Variants in SHOC2 observed in about 807,000 individuals in gnomAD.
The protein encoded by SHOC2 is SHOC2 leucine rich repeat scaffold protein.
SHOC2 carries 4 observed loss-of-function variants against 50.2 expected under a neutral mutation model. That is an observed-to-expected ratio of 0.08 (90% CI 0.04 to 0.18). The LOEUF is 0.18. Among genes scored for constraint, SHOC2 ranks in the 10% least tolerant of loss-of-function variants. The probability of loss-of-function intolerance (pLI) is 1.00; values close to 1 mark genes in which losing one functional copy is unlikely to be tolerated. For missense variants in SHOC2, 388 were observed against 669.6 expected (o/e 0.58, Z 4.64); for synonymous variants, 218 against 244.5 (o/e 0.89, Z 1.01).
At chr10:110,932,370 A>G (rs542170284) in intron 1 of SHOC2, among the ~76,000 whole-genome samples, 14 of 152,192 alleles carry the variant, frequency 9.2e-5, no homozygotes, top group Non-Finnish European at 1.2e-4. Flanking sequence ...AGATCACTCT[A>G]ATTACAACAT....
chr10:110,960,624 G>A (rs1347099380), intron 1 of SHOC2, among the ~76,000 whole-genome samples: 1 of 152,106 alleles, frequency 6.6e-6, no homozygotes, highest in Non-Finnish European at 1.5e-5. Flanking sequence ...TTGGAATATA[G>A]TTATGTTCCA....
chr10:111,008,266 G>C (rs1042293368), intron 6 of SHOC2, among the ~76,000 whole-genome samples: 1 of 149,176 alleles, frequency 6.7e-6, no homozygotes, highest in Non-Finnish European at 1.5e-5. Context: ...AGTTCCTAGA[G>C]TTTTCATCCC....
chr10:110,980,997 T>C (rs1300196642), intron 2 of SHOC2, among the ~76,000 whole-genome samples: 1 of 152,216 alleles, frequency 6.6e-6, no homozygotes, highest in Non-Finnish European at 1.5e-5. Context: ...TTCATGTAGA[T>C]GGAAACTTGT....
At chr10:110,958,570 C>T (rs1167400770) in intron 1 of SHOC2, among the ~76,000 whole-genome samples, 4 of 152,056 alleles carry the variant, frequency 2.6e-5, no homozygotes, top group Non-Finnish European at 4.4e-5. Flanking sequence ...CTTCTACATG[C>T]GTTTTGTGGA....
intron 1 of SHOC2, among the ~76,000 whole-genome samples, chr10:110,962,702 C>A (rs901191026): frequency 1.3e-5 from 2 of 152,162 alleles, no homozygotes; most frequent in African/African-American, 2.4e-5. Context: ...AAGCTCCACT[C>A]CCTATTCTAG....
intron 2 of SHOC2, among the ~76,000 whole-genome samples, chr10:110,970,240 A>G (rs143609318): frequency 2.0e-5 from 3 of 152,248 alleles, no homozygotes; most frequent in South Asian, 2.1e-4. Flanking sequence ...AGTAACCACT[A>G]TTCTACTCGC....
rs190401921 is a variant in SHOC2, at chr10:111,006,196, G to A, written c.1162-1335G>A. On this transcript the variant is annotated intron_variant, in intron 5 of 8. Transcript: ENST00000369452. ...ATACTTTATAAATCATACTATAAGT[G>A]TCAGTAGTTTAGGCATAGATAGGTA... Among the ~76,000 whole-genome samples the A allele has an allele frequency of 2.4e-3, 371 of 152,338 alleles. 3 individuals carry two copies. Among genetic ancestry groups the A allele is most frequent in the African/African-American group, 8.3e-3 (347 of 41,578 alleles).
At chr10:110,960,562 G>A (rs932134784) in intron 1 of SHOC2, among the ~76,000 whole-genome samples, 1 of 152,092 alleles carries the variant, frequency 6.6e-6, no homozygotes, top group African/African-American at 2.4e-5. Flanking sequence ...CTGTAAATTG[G>A]GACTAGAGGA....
At chr10:110,997,411 C>A (rs1277636245) in intron 3 of SHOC2, among the ~76,000 whole-genome samples, 1 of 152,126 alleles carries the variant, frequency 6.6e-6, no homozygotes, top group East Asian at 1.9e-4. Flanking sequence ...TTTAATTGTT[C>A]TTCCATAATT....
At chr10:110,969,476 CTATT>C (rs1028948914) in intron 2 of SHOC2, among the ~76,000 whole-genome samples, 4 of 152,152 alleles carry the variant, frequency 2.6e-5, no homozygotes, top group Admixed American at 1.3e-4. Context: ...TATAACGAAT[CTATT>C]TATTCAGGCA....
At chr10:110,997,224 T>C (rs1848284121) in intron 3 of SHOC2, among the ~76,000 whole-genome samples, 1 of 152,176 alleles carries the variant, frequency 6.6e-6, no homozygotes, top group Non-Finnish European at 1.5e-5. Context: ...GGTCACATTA[T>C]ATAAAATATC....
chr10:111,008,778 A>G (rs1436922321), intron 6 of SHOC2, among the ~76,000 whole-genome samples: 1 of 152,120 alleles, frequency 6.6e-6, no homozygotes, highest in East Asian at 1.9e-4. Flanking sequence ...TTGTAACTTT[A>G]TCGGAACAAA....
chr10:110,932,109 TG>T (rs1428384504), intron 1 of SHOC2, among the ~76,000 whole-genome samples: 2 of 152,206 alleles, frequency 1.3e-5, no homozygotes, highest in Non-Finnish European at 2.9e-5. Flanking sequence ...ATTGTAAATC[TG>T]TGTTTCTGGC....
At chr10:110,979,728 A>T (rs1039746878) in intron 2 of SHOC2, among the ~76,000 whole-genome samples, 1 of 152,168 alleles carries the variant, frequency 6.6e-6, no homozygotes, top group African/African-American at 2.4e-5. Context: ...TTAGCCACTA[A>T]ATATTTTACG....
rs1198858390 is a variant in SHOC2 at position 111,012,506 on chromosome 10, G to A, written c.*688G>A. 1 of 152,120 alleles carries A rather than the reference G, an allele frequency of 6.6e-6. No individual in the cohort carries two copies. The highest frequency in any genetic ancestry group is 1.9e-4 in the East Asian group (1 of 5,202). The allele number at this position is 152,120 out of a possible 1,614,324, so 9.4% of individuals were successfully genotyped here. ...TTCTTTAATTTTGCTTCTCTGACGA[G>A]TTGTGAAGCAAAATACCTGAAGTGA... On this transcript the variant is annotated 3_prime_UTR_variant, in exon 9 of 9. Coordinates refer to ENST00000369452, the MANE Select transcript of SHOC2 (RefSeq NM_007373.4).
chr10:110,988,553 C>T lies in SHOC2; in HGVS notation c.841+2788C>T, dbSNP rs61864600. Among the ~76,000 whole-genome samples, 85 of 152,156 alleles carry T rather than the reference C, an allele frequency of 5.6e-4. 1 individual carries two copies. Among genetic ancestry groups the T allele is most frequent in the Admixed American group, 2.4e-3 (37 of 15,294 alleles). ...CTATAGTAATGCCACCTCTCTAATT[C>T]CTGATATCAAGAATTTGTATGTTTT... On this transcript the variant is annotated intron_variant, in intron 3 of 8. Coordinates refer to ENST00000369452, the MANE Select transcript of SHOC2 (RefSeq NM_007373.4).
chr10:111,004,608 T>G lies in SHOC2; in HGVS notation c.975T>G (p.Ser325Arg), dbSNP rs1848436216. 6.2e-7 allele frequency: 1 copy of G among 1,606,136 alleles called. No homozygotes were observed. Among genetic ancestry groups the G allele is most frequent in the South Asian group, 1.1e-5 (1 of 90,890 alleles). The change falls in exon 5 of 9, where the codon AGT becomes AGG. Residue 325 changes from serine (S) to arginine (R), a missense_variant and splice_region_variant. Physicochemically the swap from Ser to Arg is moderately radical, Grantham distance 110. Around this residue, in one of 5 missense-constraint regions of SHOC2, gnomAD observed 48 missense variants for 151.6 expected, o/e 0.32. Coordinates refer to ENST00000369452, the MANE Select transcript of SHOC2 (RefSeq NM_007373.4). ...TGTTTATTTCATTTTTTTTACAGAG[T>G]CTTTTATCAAGTCTTGTGAAACTGA... ...ENNNISTLPESLLSSLVKLNS... is the reference protein window; with the variant it reads ...ENNNISTLPERLLSSLVKLNS...
At chr10:110,940,910 GTTTTTTTTTTTTTTTTTTTTTTT>G (rs539552844) in intron 1 of SHOC2, among the ~76,000 whole-genome samples, 2 of 119,504 alleles carry the variant, frequency 1.7e-5, no homozygotes, top group Non-Finnish European at 3.4e-5. Flanking sequence ...TTTGTGGTGG[GTTTTTTTTTTTTTTTTTTTTTTT>G]TTTTTTTTTT....
intron 2 of SHOC2, among the ~76,000 whole-genome samples, chr10:110,969,485 C>G (rs1847737333): frequency 6.6e-6 from 1 of 152,156 alleles, no homozygotes; most frequent in South Asian, 2.1e-4. Context: ...TCTATTTATT[C>G]AGGCAACTCT....
Sources: allele counts gnomAD v4.1 joint callset (sites outside exome capture counted in the v4.1 genomes callset), GRCh38; gene constraint gnomAD v4.1.1; regional missense constraint gnomAD v4.1.1; transcripts MANE v1.5; gene names NCBI Gene and HGNC (gene_info 2026-07-23, HGNC 2026-07-21).